The following EYS variants were observed in gnomAD, a reference collection of about 807,000 sequenced individuals.
EYS encodes EGF-like photoreceptor maintenance factor.
EYS carries 250 observed loss-of-function variants against 282.1 expected under a neutral mutation model. That is an observed-to-expected ratio of 0.89 (90% CI 0.80 to 0.98). EYS has a LOEUF of 0.98. EYS is among the 50% of genes least tolerant of loss of function. The pLI is 0.00. For synonymous variants in EYS, 1,355 were observed against 1,282.9 expected (o/e 1.06, Z -1.20); for missense variants, 4,016 against 3,709.0 (o/e 1.08, Z -2.15).
intron 26 of EYS, among the ~76,000 whole-genome samples, chr6:64,471,976 A>G (rs1271843408): frequency 1.6e-5 from 2 of 123,816 alleles, no homozygotes; most frequent in East Asian, 5.2e-4. Flanking sequence ...AATGTTCCCA[A>G]CACAAAAAAA....
chr6:64,019,573 G>A (rs1769076476), intron 33 of EYS, among the ~76,000 whole-genome samples: 1 of 151,822 alleles, frequency 6.6e-6, no homozygotes, highest in Admixed American at 6.6e-5. Flanking sequence ...ACCACGCCCA[G>A]CTAATTTTTG....
At chr6:65,358,613 TG>T (rs1269724267) in intron 8 of EYS, among the ~76,000 whole-genome samples, 3 of 150,804 alleles carry the variant, frequency 2.0e-5, no homozygotes, top group Non-Finnish European at 3.0e-5. Context: ...TGTGTGTGTG[TG>T]TGTGTGTGTG....
chr6:64,026,696 C>T (rs1003325089), intron 33 of EYS, among the ~76,000 whole-genome samples: 2 of 152,142 alleles, frequency 1.3e-5, no homozygotes, highest in Admixed American at 6.5e-5. Flanking sequence ...ATATCCTATC[C>T]TCCTATAGCT....
rs1766388423 is a variant in EYS, at chr6:64,590,985, A to T, written c.4882T>A (p.Ser1628Thr). The T allele has an allele frequency of 6.4e-7, 1 of 1,551,348 alleles. No homozygotes were observed. The change falls in exon 26 of 43, where the codon TCT (serine) becomes ACT (threonine). Residue 1628 changes from serine (S) to threonine (T), a missense_variant. Transcript: ENST00000503581. ...TPSVAFTEVP[S>T]LFPSKKSAKR... is the part of the protein sequence containing the mutation. ...GCACTCTTTTTAGAAGGAAATAAAG[A>T]TGGCACTTCTGTGAATGCCACTGAT...
chr6:63,983,527 C>A (rs947765690), intron 35 of EYS, among the ~76,000 whole-genome samples: 5 of 151,626 alleles, frequency 3.3e-5, no homozygotes, highest in Admixed American at 3.3e-4. Context: ...GATAAAATTT[C>A]TCTCTTTTCT....
intron 24 of EYS, among the ~76,000 whole-genome samples, chr6:64,594,106 A>C (rs1414172521): frequency 6.6e-6 from 1 of 152,172 alleles, no homozygotes; most frequent in South Asian, 2.1e-4. Flanking sequence ...TCTAATTTGC[A>C]GAACACTTAA....
intron 9 of EYS, among the ~76,000 whole-genome samples, chr6:65,348,221 T>C (rs1009323220): frequency 6.6e-6 from 1 of 151,826 alleles, no homozygotes; most frequent in African/African-American, 2.4e-5. Flanking sequence ...TTCAATATAC[T>C]TATCCCCTTT....
intron 26 of EYS, among the ~76,000 whole-genome samples, chr6:64,546,574 AT>A: frequency 6.6e-6 from 1 of 152,176 alleles, no homozygotes; most frequent in Non-Finnish European, 1.5e-5. Context: ...CACCATCAGA[AT>A]GAACAGGCAA....
At chr6:64,354,672 T>A (rs944440138) in intron 29 of EYS, among the ~76,000 whole-genome samples, 1 of 151,602 alleles carries the variant, frequency 6.6e-6, no homozygotes, top group African/African-American at 2.4e-5. Flanking sequence ...CTGCATACTA[T>A]GTAGATTAGT....
intron 11 of EYS, chr6:65,331,747 A>G (rs1176108227): frequency 1.0e-6 from 1 of 980,222 alleles, no homozygotes; most frequent in Non-Finnish European, 1.2e-6. Flanking sequence ...TTTGTTGAGC[A>G]CTATTCTATG....
chr6:64,508,408 G>A (rs1266943849), intron 26 of EYS, among the ~76,000 whole-genome samples: 1 of 151,928 alleles, frequency 6.6e-6, no homozygotes, highest in Non-Finnish European at 1.5e-5. Flanking sequence ...TAAATATGCA[G>A]TTGTTTGTAT....
chr6:64,435,102 G>A (rs931286739), intron 28 of EYS, among the ~76,000 whole-genome samples: 3 of 151,978 alleles, frequency 2.0e-5, no homozygotes, highest in African/African-American at 7.2e-5. Flanking sequence ...AGATTAAAAT[G>A]ATGAGAAAGA....
intron 41 of EYS, among the ~76,000 whole-genome samples, chr6:63,750,566 G>A (rs925220260): frequency 6.6e-6 from 1 of 152,114 alleles, no homozygotes; most frequent in Non-Finnish European, 1.5e-5. Flanking sequence ...TCTGAGTCAG[G>A]TGGTACAGAA....
At chr6:64,757,128 C>T (rs1219744274) in intron 22 of EYS, among the ~76,000 whole-genome samples, 1 of 152,174 alleles carries the variant, frequency 6.6e-6, no homozygotes, top group African/African-American at 2.4e-5. Flanking sequence ...ATCCTTACCT[C>T]TTATTCACAT....
At chr6:65,110,917 G>A (rs1214686395) in intron 12 of EYS, among the ~76,000 whole-genome samples, 3 of 152,038 alleles carry the variant, frequency 2.0e-5, no homozygotes, top group Non-Finnish European at 4.4e-5. Context: ...AATTTGGAAA[G>A]AGAAAATTGT....
intron 8 of EYS, among the ~76,000 whole-genome samples, chr6:65,379,870 G>C (rs1228239664): frequency 6.6e-6 from 1 of 151,742 alleles, no homozygotes; most frequent in Non-Finnish European, 1.5e-5. Context: ...ATTGAGAATT[G>C]CTACAAAGAG....
chr6:63,730,094 G>A (rs1768744234), intron 41 of EYS, among the ~76,000 whole-genome samples: 1 of 152,148 alleles, frequency 6.6e-6, no homozygotes, highest in Non-Finnish European at 1.5e-5. Context: ...AAAGCCCCAT[G>A]TAGAAACTTG....
chr6:65,519,708 A>ATATATATATATATATTTTTTTT (rs1554205854), intron 2 of EYS, among the ~76,000 whole-genome samples: 1 of 42,560 alleles, frequency 2.3e-5, no homozygotes, highest in Non-Finnish European at 3.7e-5. Flanking sequence ...ATATATATAT[A>ATATATATATATATATTTTTTTT]TTTTTTTTTT....
At chr6:64,163,515 ACTAT>A (rs1276853876) in intron 31 of EYS, among the ~76,000 whole-genome samples, 1 of 152,106 alleles carries the variant, frequency 6.6e-6, no homozygotes, top group Non-Finnish European at 1.5e-5. Context: ...TCAATATGTA[ACTAT>A]CTAATTGCAT....
Sources: allele counts gnomAD v4.1 joint callset (sites outside exome capture counted in the v4.1 genomes callset), GRCh38; gene constraint gnomAD v4.1.1; transcripts MANE v1.5; gene names NCBI Gene and HGNC (gene_info 2026-07-23, HGNC 2026-07-21).